The following SLC4A10 variants were observed in gnomAD, a reference collection of about 807,000 sequenced individuals.
SLC4A10 encodes sodium-driven chloride bicarbonate exchanger.
SLC4A10 carries 42 observed loss-of-function variants against 137.7 expected under a neutral mutation model. The ratio of observed to expected loss-of-function variants is 0.30; its 90% confidence interval spans 0.24 to 0.39. SLC4A10 has a LOEUF of 0.39. SLC4A10 is among the 10% of genes least tolerant of loss of function. The pLI, the probability that SLC4A10 is intolerant of heterozygous loss-of-function variation, is 1.00. For synonymous variants in SLC4A10, 474 were observed against 464.1 expected, an observed-to-expected ratio of 1.02 and a Z score of -0.27; for missense variants, 925 against 1,355.0, an observed-to-expected ratio of 0.68 and a Z score of 4.98.
chr2:161,893,332 GATATA>G (rs938131605), intron 10 of SLC4A10, among the ~76,000 whole-genome samples: 4 of 152,088 alleles, frequency 2.6e-5, no homozygotes, highest in Non-Finnish European at 5.9e-5. Flanking sequence ...GCACTGTGTA[GATATA>G]ATATATAGTT....
At chr2:161,624,771 T>C (rs1052920006) in intron 1 of SLC4A10, among the ~76,000 whole-genome samples, 1 of 151,676 alleles carries the variant, frequency 6.6e-6, no homozygotes, top group Admixed American at 6.6e-5. Context: ...CTTCTCAATA[T>C]GGATGCACTA....
intron 4 of SLC4A10, among the ~76,000 whole-genome samples, chr2:161,846,968 C>T (rs188672559): frequency 6.6e-6 from 1 of 151,934 alleles, no homozygotes; most frequent in Admixed American, 6.6e-5. Context: ...CATGGTGGCT[C>T]ATGCCTGTAA....
Position 161,964,319 on chromosome 2 carries a change from T to A in SLC4A10, c.3036+11T>A. ...GTCTTTCCCATGATGGTATGAAACT[T>A]CTGTCAACTATTTTTCTCTTTCTCT... On this transcript the variant is annotated intron_variant, in intron 22 of 26. Transcript: ENST00000446997. 6.2e-7 allele frequency: 1 copy of A among 1,612,710 alleles called. No individual in the cohort carries two copies. Among genetic ancestry groups the A allele is most frequent in the Non-Finnish European group, 8.5e-7 (1 of 1,179,250 alleles).
intron 18 of SLC4A10, among the ~76,000 whole-genome samples, chr2:161,949,528 T>C (rs181471891): frequency 9.1e-4 from 138 of 152,124 alleles, no homozygotes; most frequent in Admixed American, 3.1e-3. Flanking sequence ...ATATATAACA[T>C]TCTTAAAAGA....
At chr2:161,712,268 C>G (rs1443040591) in intron 1 of SLC4A10, among the ~76,000 whole-genome samples, 2 of 151,790 alleles carry the variant, frequency 1.3e-5, no homozygotes, top group African/African-American at 4.8e-5. Flanking sequence ...TGTGCAGATT[C>G]TTTGCTTCTC....
In SLC4A10 at chr2:161,879,154, G is replaced by T; in HGVS notation, c.972G>T (p.Lys324Asn). Residue 324 changes from lysine (K) to asparagine (N), a missense_variant, in exon 9 of 27, where the codon AAG becomes AAT. This residue lies in a region of SLC4A10 where 277 missense variants were observed against 306.1 expected (regional missense o/e 0.90). Coordinates refer to ENST00000446997, the MANE Select transcript of SLC4A10 (RefSeq NM_001178015.2). Reference protein sequence around the residue: ...EREVDLHFMKKIPPGAEASNI... With the variant: ...EREVDLHFMKNIPPGAEASNI... Reference sequence around the variant, plus strand: ...AGGTTGATCTGCATTTTATGAAAAAGATTCCTCCAGGTGCTGAAGCATCGA... The same window carrying T: ...AGGTTGATCTGCATTTTATGAAAAATATTCCTCCAGGTGCTGAAGCATCGA... The T allele has an allele frequency of 6.2e-7, 1 of 1,613,098 alleles. No individual in the cohort carries two copies. Among genetic ancestry groups the T allele is most frequent in the Non-Finnish European group, 8.5e-7 (1 of 1,179,406 alleles).
chr2:161,979,729 T>C (rs897395533), intron 26 of SLC4A10, among the ~76,000 whole-genome samples: 4 of 152,168 alleles, frequency 2.6e-5, no homozygotes, highest in African/African-American at 9.7e-5. Flanking sequence ...AGAGTATCCA[T>C]TGGCAAAAAG....
At chr2:161,983,105 T>C in intron 26 of SLC4A10, 74 bp from the exon 27 acceptor site, 1 of 1,394,846 alleles carries the variant, frequency 7.2e-7, no homozygotes, top group Non-Finnish European at 9.8e-7. Context: ...ACGGGTTTTA[T>C]GTCTGAGCAA....
chr2:161,681,889 C>T (rs1055229834), intron 1 of SLC4A10, among the ~76,000 whole-genome samples: 7 of 152,046 alleles, frequency 4.6e-5, no homozygotes, highest in Non-Finnish European at 8.8e-5. Context: ...TTTAGTATTG[C>T]CATACCTATC....
At chr2:161,697,756 T>G (rs1043141654) in intron 1 of SLC4A10, among the ~76,000 whole-genome samples, 2 of 152,218 alleles carry the variant, frequency 1.3e-5, no homozygotes, top group East Asian at 3.8e-4. Context: ...TCCAGCTTTG[T>G]TCTTTTGGTT....
At chr2:161,794,834 G>A (rs569973577) in intron 2 of SLC4A10, among the ~76,000 whole-genome samples, 338 of 152,110 alleles carry the variant, frequency 2.2e-3, no homozygotes, top group African/African-American at 7.7e-3. Context: ...TGTTTTCCCT[G>A]AACATAAAGT....
chr2:161,862,550 C>T (rs2060491317), intron 5 of SLC4A10, among the ~76,000 whole-genome samples: 1 of 152,110 alleles, frequency 6.6e-6, no homozygotes, highest in South Asian at 2.1e-4. Flanking sequence ...CTATTCCTCC[C>T]ATCAGTGTGG....
At chr2:161,873,704 A>G (rs1466851850) in intron 7 of SLC4A10, 2 of 457,540 alleles carry the variant, frequency 4.4e-6, no homozygotes, top group East Asian at 3.6e-5. Flanking sequence ...TAGTGGGAGG[A>G]GGTGGGAATG....
chr2:161,822,044 T>C (rs140527591), intron 3 of SLC4A10, among the ~76,000 whole-genome samples: 1 of 152,326 alleles, frequency 6.6e-6, no homozygotes, highest in East Asian at 1.9e-4. Flanking sequence ...TGACACCCTA[T>C]CTCACACTTT....
At chr2:161,794,660 G>A (rs2054562298) in intron 2 of SLC4A10, among the ~76,000 whole-genome samples, 1 of 152,040 alleles carries the variant, frequency 6.6e-6, no homozygotes, top group Non-Finnish European at 1.5e-5. Flanking sequence ...AGAAAATGAG[G>A]TTGTTCCGTC....
intron 25 of SLC4A10, among the ~76,000 whole-genome samples, 188 bp downstream of exon 25, chr2:161,977,064 T>C (rs549240710): frequency 6.2e-4 from 95 of 152,228 alleles, no homozygotes; most frequent in Non-Finnish European, 1.1e-3. Flanking sequence ...AACTGTGGTA[T>C]GGGGAACTGT....
At chr2:161,853,928 C>T (rs2059964034) in intron 4 of SLC4A10, among the ~76,000 whole-genome samples, 1 of 152,044 alleles carries the variant, frequency 6.6e-6, no homozygotes, top group Admixed American at 6.6e-5. Context: ...TGGTTAGTTA[C>T]TTTTGGCTAA....
chr2:161,750,890 A>G (rs973940), intron 1 of SLC4A10, among the ~76,000 whole-genome samples: 34,371 of 151,462 alleles, frequency 0.23, 4,708 homozygotes, highest in African/African-American at 0.39. Context: ...ATACTTAATT[A>G]CACTGACAGT....
chr2:161,832,730 G>GTTGTTTTGTT, intron 3 of SLC4A10, among the ~76,000 whole-genome samples: 1 of 147,646 alleles, frequency 6.8e-6, no homozygotes, highest in East Asian at 2.1e-4. Flanking sequence ...TTTTGTTGTT[G>GTTGTTTTGTT]TTGTTTTGTT....
Sources: gnomAD v4.1 joint callset for allele counts (sites outside exome capture counted in the v4.1 genomes callset) on GRCh38, gnomAD v4.1.1 for gene constraint, gnomAD v4.1.1 regional missense constraint, MANE v1.5 for transcripts, NCBI Gene and HGNC (gene_info 2026-07-23, HGNC 2026-07-21) for gene names.